Variants in ATG13 observed in about 807,000 individuals in gnomAD.
ATG13 encodes autophagy-related protein 13.
Under a neutral mutation model 65.5 loss-of-function variants are expected in ATG13, and 23 were observed. That is an observed-to-expected ratio of 0.35 (90% CI 0.25 to 0.50). The LOEUF is 0.50. ATG13 is among the 20% of genes least tolerant of loss of function. The pLI, the probability that ATG13 is intolerant of heterozygous loss-of-function variation, is 0.98. For missense variants in ATG13, 566 were observed against 677.0 expected, an observed-to-expected ratio of 0.84 and a Z score of 1.82; for synonymous variants, 252 against 245.2, an observed-to-expected ratio of 1.03 and a Z score of -0.26.
At chr11:46,619,879 GT>G (rs1249045528) in intron 1 of ATG13, among the ~76,000 whole-genome samples, 1 of 151,154 alleles carries the variant, frequency 6.6e-6, no homozygotes, top group East Asian at 2.0e-4. Context: ...AATACAAAAA[GT>G]TAGCTGGACG....
At position 46,673,349 on chromosome 11, in the gene ATG13, A is replaced by G. The variant is rs1438880849; in HGVS notation, c.*1017A>G. 6.5e-6 allele frequency: 1 copy of G among 152,798 alleles called. No individual in the cohort carries two copies. The highest frequency in any genetic ancestry group is 2.4e-5 in the African/African-American group (1 of 41,450). 9.5% of individuals were successfully genotyped at this position (152,798 alleles called of 1,614,324 possible). A position where few individuals can be genotyped will look rare whatever the true frequency, so the allele number is the denominator to read the frequency against. Reference sequence around the variant, plus strand: ...CAAAGTCACCTCCCAGTGTGGCTGCACTGGAACTGACTAAAGGCTTTACCT... The same window carrying G: ...CAAAGTCACCTCCCAGTGTGGCTGCGCTGGAACTGACTAAAGGCTTTACCT... On this transcript the variant is annotated 3_prime_UTR_variant, in exon 19 of 19. Coordinates refer to ENST00000683050, the MANE Select transcript of ATG13 (RefSeq NM_001346311.2).
chr11:46,658,777 C>T (rs2060541259), intron 10 of ATG13, among the ~76,000 whole-genome samples: 2 of 152,044 alleles, frequency 1.3e-5, no homozygotes. Context: ...CTCAGATGAT[C>T]CGCCTGCTTC....
At chr11:46,664,751 C>A (rs1489555586) in intron 12 of ATG13, 98 bp from the exon 13 acceptor site, 1 of 1,114,932 alleles carries the variant, frequency 9.0e-7, no homozygotes, top group East Asian at 2.4e-5. Flanking sequence ...GGGAGCCATT[C>A]CTTATCTCTC....
chr11:46,624,940 G>A (rs1179530622), intron 1 of ATG13, among the ~76,000 whole-genome samples: 1 of 152,042 alleles, frequency 6.6e-6, no homozygotes, highest in African/African-American at 2.4e-5. Context: ...AGGATTGCTT[G>A]AGCCTGGGAG....
chr11:46,640,070 C>G (rs745427331), intron 2 of ATG13, among the ~76,000 whole-genome samples: 1 of 151,916 alleles, frequency 6.6e-6, no homozygotes, highest in Non-Finnish European at 1.5e-5. Context: ...GTCTCAAACT[C>G]TTGGACTAAA....
At chr11:46,638,022 A>G (rs1397401817) in intron 2 of ATG13, among the ~76,000 whole-genome samples, 1 of 152,370 alleles carries the variant, frequency 6.6e-6, no homozygotes, top group South Asian at 2.1e-4. Flanking sequence ...CATAATAATT[A>G]TACATATTTA....
intron 2 of ATG13, among the ~76,000 whole-genome samples, chr11:46,643,595 A>C (rs1414993738): frequency 6.9e-6 from 1 of 144,616 alleles, no homozygotes; most frequent in Non-Finnish European, 1.5e-5. Flanking sequence ...ATCTCAAATC[A>C]TTTCAACCTG....
rs145617209 is a variant in ATG13, at chr11:46,650,250, A to G, written c.391A>G (p.Ile131Val). Residue 131 changes from isoleucine (I) to valine (V), a missense_variant, in exon 7 of 19, where the codon ATA (isoleucine) becomes GTA (valine). Transcript: ENST00000683050. ...ATTGCTGCTGAAGTCCCTTCTTGCT[A>G]TAACTAGGGTGACACCAGCCTATAG... ...LSLLLKSLLA[I>V]TRVTPAYRLS... 7.1e-4 allele frequency: 1,142 copies of G among 1,614,084 alleles called. 3 individuals are homozygous for G. Among genetic ancestry groups the G allele is most frequent in the Middle Eastern group, 6.3e-3 (38 of 6,062 alleles).
intron 1 of ATG13, among the ~76,000 whole-genome samples, chr11:46,627,890 C>T (rs2050275823): frequency 6.6e-6 from 1 of 151,930 alleles, no homozygotes; most frequent in Non-Finnish European, 1.5e-5. Flanking sequence ...CACAACCAGC[C>T]TGGGCAACAA....
At chr11:46,643,594 C>G (rs1478713085) in intron 2 of ATG13, among the ~76,000 whole-genome samples, 1 of 149,524 alleles carries the variant, frequency 6.7e-6, no homozygotes, top group African/African-American at 2.5e-5. Context: ...CATCTCAAAT[C>G]ATTTCAACCT....
intron 14 of ATG13, among the ~76,000 whole-genome samples, chr11:46,665,946 G>A (rs1432237660): frequency 6.6e-6 from 1 of 151,308 alleles, no homozygotes; most frequent in Non-Finnish European, 1.5e-5. Context: ...TTGGGATTAC[G>A]GGCGCGTGCC....
intron 12 of ATG13, among the ~76,000 whole-genome samples, chr11:46,664,317 G>A (rs889495777): frequency 2.6e-5 from 4 of 152,044 alleles, no homozygotes; most frequent in Admixed American, 6.6e-5. Context: ...AAAAATACAT[G>A]GAGTTATTTA....
intron 1 of ATG13, among the ~76,000 whole-genome samples, chr11:46,627,723 C>T (rs2050205131): frequency 1.3e-5 from 2 of 152,064 alleles, no homozygotes; most frequent in Admixed American, 1.3e-4. Flanking sequence ...AGGTGATCTG[C>T]CCGCCTCGGT....
chr11:46,630,584 T>TTTTTTTTA, intron 2 of ATG13, among the ~76,000 whole-genome samples: 1 of 151,288 alleles, frequency 6.6e-6, no homozygotes. Context: ...TTTTTTTTTT[T>TTTTTTTTA]TGAGACAGGG....
chr11:46,629,189 C>T (rs1358648692), intron 1 of ATG13, among the ~76,000 whole-genome samples: 1 of 151,994 alleles, frequency 6.6e-6, no homozygotes, highest in Non-Finnish European at 1.5e-5. Flanking sequence ...ATGCCCCACC[C>T]ACCTCAGCCT....
At chr11:46,633,004 ATATATATAT>A (rs1215374560) in intron 2 of ATG13, among the ~76,000 whole-genome samples, 1 of 86,304 alleles carries the variant, frequency 1.2e-5, no homozygotes, top group African/African-American at 5.3e-5. Context: ...TTAAAAAAAA[ATATATATAT>A]ATATATATAT....
chr11:46,645,490 G>T (rs926965735), intron 4 of ATG13, 71 bp downstream of exon 4: 73 of 1,268,318 alleles, frequency 5.8e-5, no homozygotes, highest in Admixed American at 7.8e-5. Context: ...GTTCTCAAGT[G>T]CAATAATAAG....
In ATG13 at chr11:46,635,962, G is replaced by A. The variant is rs563134333; in HGVS notation, c.-14+5862G>A. ...CTTTCTTTCTTTGTTTTTCTTCTTCGTGAGACAGGGCCTTGCTCTGTCACC... is the reference window on the plus strand; with the variant it reads ...CTTTCTTTCTTTGTTTTTCTTCTTCATGAGACAGGGCCTTGCTCTGTCACC... On this transcript the variant is annotated intron_variant, in intron 2 of 18. Coordinates refer to ENST00000683050, the MANE Select transcript of ATG13 (RefSeq NM_001346311.2). 8.7e-4 allele frequency among the ~76,000 whole-genome samples: 132 copies of A among 151,936 alleles called. 1 individual carries two copies. Among genetic ancestry groups the A allele is most frequent in the Non-Finnish European group, 1.8e-3 (122 of 67,970 alleles).
In ATG13 at chr11:46,663,914, A is replaced by G. The variant is rs1476705280; in HGVS notation, c.790-83A>G. On this transcript the variant is annotated intron_variant, in intron 11 of 18. Coordinates refer to ENST00000683050, the MANE Select transcript of ATG13 (RefSeq NM_001346311.2). ...CCTCTCTTGCTACTGCCCCTTCCAG[A>G]GTTTCTTCACTTCTTTCTCAAGTCC... 5 of 1,010,674 alleles carry G rather than the reference A, an allele frequency of 4.9e-6. No homozygotes were observed. In the African/African-American group the frequency reaches 8.6e-5, roughly 17 times the overall value. 62.6% of individuals were successfully genotyped at this position (1,010,674 alleles called of 1,614,324 possible). A position where few individuals can be genotyped will look rare whatever the true frequency, so the allele number is the denominator to read the frequency against.
Sources: allele counts gnomAD v4.1 joint callset (sites outside exome capture counted in the v4.1 genomes callset), GRCh38; gene constraint gnomAD v4.1.1; transcripts MANE v1.5; gene names NCBI Gene and HGNC (gene_info 2026-07-23, HGNC 2026-07-21).